Variants in FHIT observed in about 807,000 individuals in gnomAD.
FHIT encodes bis(5'-adenosyl)-triphosphatase.
A neutral mutation model predicts 17.9 loss-of-function variants in FHIT; 19 were observed. The ratio of observed to expected loss-of-function variants is 1.06; its 90% CI spans 0.74 to 1.56. The LOEUF (loss-of-function observed/expected upper bound fraction) is 1.56. Ranked by LOEUF, FHIT falls within the 40% of genes most tolerant of loss-of-function variation. The pLI is 0.00. For missense variants in FHIT, 248 were observed against 189.2 expected, an observed-to-expected ratio of 1.31 and a Z score of -1.82; for synonymous variants, 81 against 69.7, an observed-to-expected ratio of 1.16 and a Z score of -0.81.
In FHIT at chr3:61,204,625, T is replaced by A. The variant is rs191587464; in HGVS notation, c.-212-3960A>T. Among the ~76,000 whole-genome samples the A allele has an allele frequency of 2.6e-3, 342 of 131,510 alleles. 1 individual carries two copies. The highest frequency in any genetic ancestry group is 8.9e-3 in the African/African-American group (319 of 35,952). The allele number at this position is 131,510 out of a possible 152,430, so 86.3% of individuals were successfully genotyped here. A position where few individuals can be genotyped will look rare whatever the true frequency, so the allele number is the denominator to read the frequency against. On this transcript the variant is annotated intron_variant, in intron 1 of 9. Coordinates refer to ENST00000492590, the MANE Select transcript of FHIT (RefSeq NM_002012.4). ...TCAGGGTAAGTACATCTGTTAAAAT[T>A]TTATCAAAACGAATGTTTTAAAATC...
intron 3 of FHIT, among the ~76,000 whole-genome samples, chr3:61,015,105 C>T (rs898295403): frequency 6.6e-6 from 1 of 151,730 alleles, no homozygotes; most frequent in Non-Finnish European, 1.5e-5. Context: ...CAGAGTGAAA[C>T]TTAATTTAAC....
At chr3:59,952,296 T>G (rs1318426915) in intron 7 of FHIT, among the ~76,000 whole-genome samples, 1 of 152,184 alleles carries the variant, frequency 6.6e-6, no homozygotes, top group Non-Finnish European at 1.5e-5. Context: ...CACTGTGCAT[T>G]AAGTTCACCA....
At chr3:61,212,198 T>C (rs2039503047) in intron 1 of FHIT, among the ~76,000 whole-genome samples, 1 of 152,164 alleles carries the variant, frequency 6.6e-6, no homozygotes, top group Non-Finnish European at 1.5e-5. Flanking sequence ...ACGATCAAAC[T>C]ACTCCGAGCT....
intron 1 of FHIT, among the ~76,000 whole-genome samples, chr3:61,213,521 C>T (rs2039560767): frequency 6.6e-6 from 1 of 152,138 alleles, no homozygotes; most frequent in African/African-American, 2.4e-5. Context: ...CCTGAGTGAC[C>T]TACAAAGAGA....
chr3:60,651,159 A>G (rs1435884764), intron 4 of FHIT, among the ~76,000 whole-genome samples: 2 of 152,100 alleles, frequency 1.3e-5, no homozygotes, highest in African/African-American at 2.4e-5. Context: ...ACATTATTCT[A>G]TGATGAGCAT....
chr3:59,830,683 C>T (rs1430633728), intron 8 of FHIT, among the ~76,000 whole-genome samples: 1 of 152,156 alleles, frequency 6.6e-6, no homozygotes, highest in Non-Finnish European at 1.5e-5. Context: ...GACATAAATT[C>T]CCTCATTATC....
intron 2 of FHIT, among the ~76,000 whole-genome samples, chr3:61,083,192 A>G (rs1214052058): frequency 2.6e-5 from 4 of 152,200 alleles, no homozygotes; most frequent in Admixed American, 2.6e-4. Flanking sequence ...CTCACATACC[A>G]TCCAATTCAC....
intron 4 of FHIT, among the ~76,000 whole-genome samples, chr3:60,554,241 T>TA (rs11297542): frequency 0.11 from 15,467 of 145,814 alleles, 1,005 homozygotes; most frequent in South Asian, 0.22. Context: ...TCTTAACGGT[T>TA]AAAAAAAAAA....
intron 2 of FHIT, among the ~76,000 whole-genome samples, chr3:61,080,710 G>A (rs538404448): frequency 6.6e-6 from 1 of 151,954 alleles, no homozygotes; most frequent in Non-Finnish European, 1.5e-5. Flanking sequence ...AATATTTAAG[G>A]TGCTTGATTA....
At chr3:60,396,598 C>T (rs1197281691) in intron 5 of FHIT, among the ~76,000 whole-genome samples, 1 of 151,974 alleles carries the variant, frequency 6.6e-6, no homozygotes, top group Non-Finnish European at 1.5e-5. Flanking sequence ...AATAGATAAA[C>T]CCATGGAGAT....
chr3:60,532,685 G>T (rs1389854091), intron 5 of FHIT, among the ~76,000 whole-genome samples: 1 of 152,334 alleles, frequency 6.6e-6, no homozygotes, highest in Non-Finnish European at 1.5e-5. Context: ...TGTTGGCAAG[G>T]AACAGAAGCG....
intron 8 of FHIT, among the ~76,000 whole-genome samples, chr3:59,771,974 C>T (rs1418172755): frequency 6.6e-6 from 1 of 152,124 alleles, no homozygotes; most frequent in East Asian, 1.9e-4. Flanking sequence ...CTTTAAAGCC[C>T]ACAAAGGATA....
chr3:60,650,854 A>G (rs1257397802), intron 4 of FHIT, among the ~76,000 whole-genome samples: 1 of 152,178 alleles, frequency 6.6e-6, no homozygotes, highest in Non-Finnish European at 1.5e-5. Context: ...AATGCAACAA[A>G]ATTTTAAGAA....
intron 5 of FHIT, among the ~76,000 whole-genome samples, chr3:60,262,777 A>G (rs1706369933): frequency 6.6e-6 from 1 of 151,862 alleles, no homozygotes; most frequent in Non-Finnish European, 1.5e-5. Flanking sequence ...TCTCTTACCT[A>G]AAGAGTTAAC....
chr3:60,203,408 G>A (rs1372505651), intron 5 of FHIT, among the ~76,000 whole-genome samples: 1 of 152,140 alleles, frequency 6.6e-6, no homozygotes, highest in Non-Finnish European at 1.5e-5. Flanking sequence ...ACAAAGGCAT[G>A]TAAGTCACCA....
chr3:61,096,492 T>C (rs1576004906), intron 2 of FHIT, among the ~76,000 whole-genome samples: 1 of 152,142 alleles, frequency 6.6e-6, no homozygotes, highest in Non-Finnish European at 1.5e-5. Context: ...TCAAGCAATG[T>C]CCAGCCGGGG....
chr3:61,136,300 G>C (rs79305514), intron 2 of FHIT, among the ~76,000 whole-genome samples: 1 of 141,410 alleles, frequency 7.1e-6, no homozygotes, highest in African/African-American at 2.6e-5. Flanking sequence ...GTAGAGGCTT[G>C]TATCATTAAA....
At chr3:60,009,155 C>T (rs1466568313) in intron 7 of FHIT, among the ~76,000 whole-genome samples, 1 of 136,874 alleles carries the variant, frequency 7.3e-6, no homozygotes, top group South Asian at 2.4e-4. Flanking sequence ...TCATTGTTCT[C>T]TGGGATTTTA....
chr3:61,235,845 T>C (rs2040217734), intron 1 of FHIT, among the ~76,000 whole-genome samples: 1 of 152,194 alleles, frequency 6.6e-6, no homozygotes, highest in Non-Finnish European at 1.5e-5. Context: ...GACTTCAGCA[T>C]GTGTATTAGA....
Sources: gnomAD v4.1 joint callset for allele counts (sites outside exome capture counted in the v4.1 genomes callset) on GRCh38, gnomAD v4.1.1 for gene constraint, MANE v1.5 for transcripts, NCBI Gene and HGNC (gene_info 2026-07-23, HGNC 2026-07-21) for gene names.